Variants in MKRN2 observed in about 807,000 individuals in gnomAD.
The protein encoded by MKRN2 is makorin ring finger protein 2.
A neutral mutation model predicts 45.4 loss-of-function variants in MKRN2; 32 were observed. That is an observed-to-expected ratio of 0.70 (90% confidence interval 0.53 to 0.95). MKRN2 has a LOEUF of 0.95. MKRN2 is among the 40% of genes least tolerant of loss of function. The probability of loss-of-function intolerance (pLI) is 0.00; values close to 1 mark genes in which losing one functional copy is unlikely to be tolerated. For synonymous variants in MKRN2, 206 were observed against 192.4 expected (o/e 1.07, Z -0.59); for missense variants, 526 against 536.7 (o/e 0.98, Z 0.20).
At chr3:12,560,938 A>G (rs561391475) in intron 1 of MKRN2, 2 of 152,368 alleles carry the variant, frequency 1.3e-5, no homozygotes, top group East Asian at 3.9e-4. Context: ...TCAGTATAAC[A>G]TAGATGGAGA....
chr3:12,572,773 T>G (rs1485216721), intron 4 of MKRN2, among the ~76,000 whole-genome samples: 1 of 151,814 alleles, frequency 6.6e-6, no homozygotes, highest in Non-Finnish European at 1.5e-5. Flanking sequence ...TTAGGAAAGA[T>G]GGGGTTTCAC....
At position 12,565,208 on chromosome 3, in the gene MKRN2, C is replaced by A. The variant is rs549427806; in HGVS notation, c.27-3667C>A. On this transcript the variant is annotated intron_variant, in intron 1 of 7. Transcript: ENST00000170447. ...TTTTAAGAAACTGTCAAACTGTCTT[C>A]CAAACTCAGCCTCCTTTAGTTACAT... Among the ~76,000 whole-genome samples, 3 of 152,318 alleles carry A rather than the reference C, an allele frequency of 2.0e-5. No individual in the cohort carries two copies. The South Asian group carries it at 6.2e-4, about 32-fold the overall frequency.
At chr3:12,570,346 C>G (rs2058091120) in intron 3 of MKRN2, 94 bp downstream of exon 3, 3 of 1,295,198 alleles carry the variant, frequency 2.3e-6, no homozygotes, top group East Asian at 2.4e-5. Context: ...CAAGAGGACT[C>G]CTAACCTAAT....
rs76364104 is a variant in MKRN2, at chr3:12,568,065, C to T, written c.27-810C>T. ...ACCTTTCTGTTTCTCACTTTCAGTA[C>T]GGTGTTCAATAAATTGCATGAGATT... On this transcript the variant is annotated intron_variant, in intron 1 of 7. Transcript: ENST00000170447. Among the ~76,000 whole-genome samples the T allele has an allele frequency of 3.0e-3, 454 of 152,300 alleles. 4 individuals carry two copies. The highest frequency in any genetic ancestry group is 0.01 in the African/African-American group (426 of 41,562).
intron 1 of MKRN2, among the ~76,000 whole-genome samples, chr3:12,558,582 C>G (rs144103368): frequency 9.2e-5 from 14 of 152,260 alleles, no homozygotes; most frequent in African/African-American, 3.1e-4. Flanking sequence ...TCTGTAGTAT[C>G]TTATTTTACA....
chr3:12,579,037 T>C (rs917539567), intron 6 of MKRN2, among the ~76,000 whole-genome samples: 1 of 152,206 alleles, frequency 6.6e-6, no homozygotes, highest in African/African-American at 2.4e-5. Flanking sequence ...GAGATTGTTA[T>C]TGCTATTTGG....
chr3:12,559,137 C>T (rs1048573854), intron 1 of MKRN2, among the ~76,000 whole-genome samples: 2 of 152,194 alleles, frequency 1.3e-5, no homozygotes, highest in Admixed American at 1.3e-4. Context: ...AAGAAGTTTA[C>T]TCACAAAAGG....
At chr3:12,557,234 T>TGC (rs1187523522) in intron 1 of MKRN2, 58 bp downstream of exon 1, 27 of 1,514,262 alleles carry the variant, frequency 1.8e-5, no homozygotes, top group Non-Finnish European at 2.2e-5. Flanking sequence ...GGGGGGCCGG[T>TGC]GCGCGCCAGT....
intron 1 of MKRN2, among the ~76,000 whole-genome samples, chr3:12,567,718 C>T (rs536464198): frequency 4.0e-4 from 61 of 151,964 alleles, no homozygotes; most frequent in African/African-American, 1.1e-3. Flanking sequence ...CTGGAACCCC[C>T]GACCTCAGGT....
At chr3:12,569,151 A>G (rs2058084642) in intron 2 of MKRN2, 148 bp downstream of exon 2, 2 of 1,048,048 alleles carry the variant, frequency 1.9e-6, no homozygotes, top group Non-Finnish European at 1.3e-6. Context: ...TCAGTACCCT[A>G]AAACTAATTT....
intron 1 of MKRN2, among the ~76,000 whole-genome samples, chr3:12,563,232 G>A (rs542422644): frequency 6.6e-6 from 1 of 152,264 alleles, no homozygotes; most frequent in South Asian, 2.1e-4. Flanking sequence ...CTAGCCAAAC[G>A]CATGAGAGAC....
chr3:12,570,341 G>C, intron 3 of MKRN2, 89 bp downstream of exon 3: 1 of 1,361,930 alleles, frequency 7.3e-7, no homozygotes, highest in South Asian at 1.4e-5. Flanking sequence ...CTTGTCAAGA[G>C]GACTCCTAAC....
chr3:12,557,225 G>T lies in MKRN2; in HGVS notation c.26+49G>T, dbSNP rs775810165. The T allele has an allele frequency of 6.1e-5, 93 of 1,521,796 alleles. 2 individuals are homozygous for T. The East Asian group carries it at 1.2e-3, about 20-fold the overall frequency. The allele number at this position is 1,521,796 out of a possible 1,614,324, so 94.3% of individuals were successfully genotyped here. On this transcript the variant is annotated intron_variant, in intron 1 of 7. Transcript: ENST00000170447. The stretch of plus-strand genomic sequence containing the variant: ...TTCGGGCCGCTCCCCCAGGCCGCAG[G>T]GGGGCCGGTGCGCGCCAGTGCTGTG...
At chr3:12,571,205 G>T (rs2058097182) in intron 3 of MKRN2, among the ~76,000 whole-genome samples, 1 of 151,974 alleles carries the variant, frequency 6.6e-6, no homozygotes, top group Non-Finnish European at 1.5e-5. Flanking sequence ...CCACCTCCCG[G>T]GTTCAAGGGA....
intron 4 of MKRN2, among the ~76,000 whole-genome samples, chr3:12,573,453 G>A (rs1030262646): frequency 6.6e-5 from 10 of 151,926 alleles, no homozygotes; most frequent in African/African-American, 1.5e-4. Flanking sequence ...AGGATCACCC[G>A]AGCCTGGGAA....
intron 6 of MKRN2, among the ~76,000 whole-genome samples, chr3:12,579,683 G>T (rs1483702730): frequency 6.6e-6 from 1 of 152,196 alleles, no homozygotes; most frequent in Non-Finnish European, 1.5e-5. Context: ...AAGGGTGTAG[G>T]TTTTGTGTCT....
chr3:12,557,643 A>G (rs1338228820), intron 1 of MKRN2, among the ~76,000 whole-genome samples: 1 of 152,282 alleles, frequency 6.6e-6, no homozygotes, highest in African/African-American at 2.4e-5. Flanking sequence ...CTAAACTTGC[A>G]GAGAGTTAAC....
chr3:12,581,602 C>A (rs765068131), intron 6 of MKRN2, among the ~76,000 whole-genome samples: 3 of 152,154 alleles, frequency 2.0e-5, no homozygotes, highest in Non-Finnish European at 2.9e-5. Context: ...AGTGGGGATA[C>A]TTCCTATCCT....
In MKRN2 at chr3:12,572,242, TGCCCCTACGC is replaced by T. The variant is rs1353812326; in HGVS notation, c.512_521del (p.Cys171Ter). 1 of 1,614,098 alleles carries T rather than the reference TGCCCCTACGC, an allele frequency of 6.2e-7. No individual in the cohort carries two copies. Among genetic ancestry groups the T allele is most frequent in the Non-Finnish European group, 8.5e-7 (1 of 1,180,000 alleles). ...CTCCTACAGCAACGAGCAGCAGCTG[TGCCCCTACGC>T]AGCTGCTGGGGAGTGCCGGTTTGGG... On this transcript the variant is annotated frameshift_variant, in exon 4 of 8. Coordinates refer to ENST00000170447, the MANE Select transcript of MKRN2 (RefSeq NM_014160.5). LOFTEE classifies it high-confidence loss of function.
Sources: allele counts gnomAD v4.1 joint callset (sites outside exome capture counted in the v4.1 genomes callset), GRCh38; gene constraint gnomAD v4.1.1; transcripts MANE v1.5; gene names NCBI Gene and HGNC (gene_info 2026-07-23, HGNC 2026-07-21).